Variants in XKR9 observed in about 807,000 individuals in gnomAD.
XKR9 encodes XK-related protein 9.
In XKR9, 32 loss-of-function variants were observed where a neutral mutation model predicts 32.0. The ratio of observed to expected loss-of-function variants is 1.00; its 90% CI spans 0.76 to 1.34. The LOEUF (loss-of-function observed/expected upper bound fraction) is 1.34, where lower values mean the gene tolerates loss of function less well. XKR9 is among the 40% of genes most tolerant of loss of function. The pLI is 0.00. For synonymous variants in XKR9, 168 were observed against 143.4 expected (o/e 1.17, Z -1.22); for missense variants, 546 against 429.7 (o/e 1.27, Z -2.39).
At chr8:70,709,628 A>G (rs890215431) in intron 4 of XKR9, among the ~76,000 whole-genome samples, 4 of 152,202 alleles carry the variant, frequency 2.6e-5, no homozygotes, top group African/African-American at 9.6e-5. Flanking sequence ...TCGATGTACA[A>G]AACAGTAGCA....
the XKR9 span, among the ~76,000 whole-genome samples, chr8:70,975,828 TG>T: frequency 6.6e-6 from 1 of 152,162 alleles, no homozygotes; most frequent in East Asian, 1.9e-4. Flanking sequence ...TAAATTACCT[TG>T]GGCAGTATGG....
chr8:70,779,313 G>T (rs1321419170), intron 2 of XKR9, among the ~76,000 whole-genome samples: 3 of 152,116 alleles, frequency 2.0e-5, no homozygotes, highest in Admixed American at 6.6e-5. Flanking sequence ...ACTTGTTCGT[G>T]GTGGATAAGC....
At chr8:70,885,642 G>C in the XKR9 span, among the ~76,000 whole-genome samples, 2 of 151,944 alleles carry the variant, frequency 1.3e-5, no homozygotes, top group African/African-American at 4.8e-5. Context: ...TGTCATCCAG[G>C]CTGGAGTGCA....
the XKR9 span, among the ~76,000 whole-genome samples, chr8:71,030,387 A>C: frequency 6.6e-6 from 1 of 152,156 alleles, no homozygotes; most frequent in African/African-American, 2.4e-5. Flanking sequence ...AGGGCAAGTA[A>C]CACCTTTAAG....
At chr8:70,917,474 A>C in the XKR9 span, among the ~76,000 whole-genome samples, 5 of 151,706 alleles carry the variant, frequency 3.3e-5, no homozygotes, top group South Asian at 4.2e-4. Flanking sequence ...TTCAATTTAT[A>C]CTTTTTTTTT....
the XKR9 span, among the ~76,000 whole-genome samples, chr8:70,820,013 T>C: frequency 6.6e-6 from 1 of 152,204 alleles, no homozygotes; most frequent in African/African-American, 2.4e-5. Context: ...AAAGCACTGA[T>C]AGAGTTCAGA....
chr8:70,934,679 G>C, the XKR9 span, among the ~76,000 whole-genome samples: 2 of 151,938 alleles, frequency 1.3e-5, no homozygotes, highest in Non-Finnish European at 2.9e-5. Context: ...AGCAATGCAT[G>C]TGTCCCCTCA....
intron 3 of XKR9, among the ~76,000 whole-genome samples, chr8:70,689,087 A>G (rs1490867393): frequency 2.6e-5 from 4 of 152,178 alleles, no homozygotes. Context: ...ATTAACAGGG[A>G]AAAAGAATTG....
chr8:70,705,021 A>T (rs1256655559), intron 3 of XKR9, among the ~76,000 whole-genome samples: 3 of 152,146 alleles, frequency 2.0e-5, no homozygotes, highest in African/African-American at 4.8e-5. Context: ...GTTATTCCAG[A>T]ACTGTGATGG....
At chr8:70,987,553 GC>G in the XKR9 span, among the ~76,000 whole-genome samples, 1 of 152,256 alleles carries the variant, frequency 6.6e-6, no homozygotes, top group African/African-American at 2.4e-5. Flanking sequence ...GGCTCCCACA[GC>G]CTTGGGCACC....
exon 4 of XKR9, chr8:70,790,135 C>T (rs1057162315): frequency 1.6e-4 from 24 of 148,320 alleles, no homozygotes; most frequent in African/African-American, 5.2e-4. Flanking sequence ...TTGATTACTT[C>T]GGCTGTTTCT....
the XKR9 span, among the ~76,000 whole-genome samples, chr8:70,918,549 G>A: frequency 6.6e-6 from 1 of 151,900 alleles, no homozygotes. Context: ...GTCTTCCAGA[G>A]CTCCTGTAAA....
the XKR9 span, among the ~76,000 whole-genome samples, chr8:70,962,653 G>A: frequency 6.6e-6 from 1 of 152,156 alleles, no homozygotes; most frequent in Non-Finnish European, 1.5e-5. Context: ...ATTGTGAATA[G>A]CAATGAGAAT....
At chr8:70,944,870 G>A in the XKR9 span, among the ~76,000 whole-genome samples, 1 of 152,130 alleles carries the variant, frequency 6.6e-6, no homozygotes, top group African/African-American at 2.4e-5. Context: ...ATGTTCTCAG[G>A]CAGTCCTACA....
In XKR9 at chr8:70,696,699, GT is replaced by G. The variant is rs1161695201; in HGVS notation, c.273-10228del. 8.2e-3 allele frequency among the ~76,000 whole-genome samples: 1,203 copies of G among 146,020 alleles called. 17 individuals are homozygous for G. The highest frequency in any genetic ancestry group is 0.029 in the African/African-American group (1,139 of 39,904). On this transcript the variant is annotated intron_variant, in intron 3 of 4. Coordinates refer to ENST00000408926, the MANE Select transcript of XKR9 (RefSeq NM_001011720.2). ...TTGTTTCCATATGAACTTTAAAGTA[GT>G]TTTTTCCAATTCTGTGAAGAAAGTC...
At chr8:71,047,795 GGT>G in the XKR9 span, among the ~76,000 whole-genome samples, 1 of 152,126 alleles carries the variant, frequency 6.6e-6, no homozygotes, top group African/African-American at 2.4e-5. Context: ...GCGAGTGACT[GGT>G]CCCCCAGTGC....
At chr8:70,914,940 A>G in the XKR9 span, among the ~76,000 whole-genome samples, 2 of 152,236 alleles carry the variant, frequency 1.3e-5, no homozygotes, top group Non-Finnish European at 2.9e-5. Context: ...CTAGCCATGC[A>G]GGATAACTGG....
the XKR9 span, among the ~76,000 whole-genome samples, chr8:71,042,102 T>A: frequency 6.6e-6 from 1 of 152,110 alleles, no homozygotes. Flanking sequence ...GACTGCCATA[T>A]GTGCTGGCTA....
At chr8:70,748,416 G>A (rs1471207875) in intron 2 of XKR9, among the ~76,000 whole-genome samples, 1 of 152,248 alleles carries the variant, frequency 6.6e-6, no homozygotes, top group Non-Finnish European at 1.5e-5. Flanking sequence ...TCTCTGGTGT[G>A]GAGCAAAGTT....
Sources: gnomAD v4.1 joint callset for allele counts (sites outside exome capture counted in the v4.1 genomes callset) on GRCh38, gnomAD v4.1.1 for gene constraint, MANE v1.5 for transcripts, NCBI Gene and HGNC (gene_info 2026-07-23, HGNC 2026-07-21) for gene names.